SPMIP2: variants seen among roughly 807,000 people sequenced by gnomAD.
SPMIP2 encodes sperm microtubule inner protein 2, also known as protein SPMIP2.
chr4:159,072,290 G>A, the SPMIP2 span, among the ~76,000 whole-genome samples: 2 of 152,166 alleles, frequency 1.3e-5, no homozygotes, highest in Non-Finnish European at 2.9e-5. Flanking sequence ...TCCAGCCTGA[G>A]TGATAAAGTG....
chr4:158,972,759 A>G, the SPMIP2 span, among the ~76,000 whole-genome samples: 2 of 152,260 alleles, frequency 1.3e-5, no homozygotes, highest in Admixed American at 6.5e-5. Flanking sequence ...TCGTCCACGC[A>G]TGAAGCAGTG....
the SPMIP2 span, among the ~76,000 whole-genome samples, chr4:159,041,220 C>T: frequency 9.2e-5 from 14 of 152,106 alleles, no homozygotes; most frequent in Non-Finnish European, 1.2e-4. Context: ...TATTCCCTGC[C>T]GGGCCAATCA....
chr4:158,952,149 GA>G, the SPMIP2 span, among the ~76,000 whole-genome samples: 1 of 152,156 alleles, frequency 6.6e-6, no homozygotes, highest in Non-Finnish European at 1.5e-5. Flanking sequence ...ACTGTGAAAG[GA>G]AGTAAAATTT....
the SPMIP2 span, among the ~76,000 whole-genome samples, chr4:158,961,064 C>T: frequency 8.1e-4 from 123 of 152,176 alleles, 1 homozygote; most frequent in Non-Finnish European, 1.5e-3. Context: ...AACCATTTCT[C>T]AAATTTCTAT....
chr4:159,005,431 C>T, the SPMIP2 span, among the ~76,000 whole-genome samples: 3 of 151,850 alleles, frequency 2.0e-5, no homozygotes, highest in East Asian at 1.9e-4. Flanking sequence ...GCAGCAAGAG[C>T]GAAACTCCAT....
chr4:159,059,491 G>A, the SPMIP2 span, among the ~76,000 whole-genome samples: 1 of 152,210 alleles, frequency 6.6e-6, no homozygotes, highest in South Asian at 2.1e-4. Context: ...TATGGCCTCA[G>A]CCTCCCAAGT....
the SPMIP2 span, among the ~76,000 whole-genome samples, chr4:158,940,604 T>G: frequency 6.7e-6 from 1 of 148,944 alleles, no homozygotes; most frequent in Non-Finnish European, 1.5e-5. Context: ...CTTTTTGAAG[T>G]CATTTTATTT....
At chr4:158,913,860 AAGAC>A in the SPMIP2 span, among the ~76,000 whole-genome samples, 1 of 151,870 alleles carries the variant, frequency 6.6e-6, no homozygotes, top group African/African-American at 2.4e-5. Context: ...AAAAAAAAAA[AAGAC>A]AAGAGAAGTT....
chr4:159,006,103 A>G, the SPMIP2 span, among the ~76,000 whole-genome samples: 13 of 152,220 alleles, frequency 8.5e-5, no homozygotes, highest in Non-Finnish European at 2.9e-5. Flanking sequence ...AAAATGTTCA[A>G]TTATGTATGT....
the SPMIP2 span, among the ~76,000 whole-genome samples, chr4:159,042,932 G>T: frequency 6.6e-6 from 1 of 152,092 alleles, no homozygotes; most frequent in Non-Finnish European, 1.5e-5. Context: ...CCAAGTGCTG[G>T]GATTACAGGC....
At chr4:159,045,932 G>A in the SPMIP2 span, among the ~76,000 whole-genome samples, 2 of 152,174 alleles carry the variant, frequency 1.3e-5, no homozygotes, top group Admixed American at 6.5e-5. Context: ...TGCACTGTGT[G>A]CCTCTCCATA....
At chr4:159,058,467 T>G in the SPMIP2 span, among the ~76,000 whole-genome samples, 1 of 152,196 alleles carries the variant, frequency 6.6e-6, no homozygotes, top group Non-Finnish European at 1.5e-5. Context: ...AAGGAAGATA[T>G]GGGACTTCTT....
At chr4:159,007,424 C>T in the SPMIP2 span, 2 of 669,162 alleles carry the variant, frequency 3.0e-6, no homozygotes, top group Non-Finnish European at 5.6e-6. Flanking sequence ...GGTCCTGTTC[C>T]TGCTTGCCCT....
At chr4:158,963,955 A>G in the SPMIP2 span, among the ~76,000 whole-genome samples, 13 of 152,022 alleles carry the variant, frequency 8.6e-5, no homozygotes, top group Non-Finnish European at 1.2e-4. Context: ...GGAGATCAAG[A>G]CCATCCTGGC....
chr4:158,958,141 T>G, the SPMIP2 span, among the ~76,000 whole-genome samples: 2 of 152,008 alleles, frequency 1.3e-5, no homozygotes, highest in African/African-American at 4.8e-5. Context: ...TGGGACCACA[T>G]GTGTGTACCA....
the SPMIP2 span, chr4:158,905,365 G>T: frequency 2.0e-5 from 3 of 152,106 alleles, no homozygotes; most frequent in East Asian, 5.8e-4. Flanking sequence ...TTTAAGAGAG[G>T]CCACTTACCA....
chr4:158,960,842 A>G, the SPMIP2 span, among the ~76,000 whole-genome samples: 1 of 152,132 alleles, frequency 6.6e-6, no homozygotes, highest in African/African-American at 2.4e-5. Context: ...GAGTATTGAT[A>G]ACATATTTGG....
At chr4:159,041,184 A>G in the SPMIP2 span, among the ~76,000 whole-genome samples, 1 of 152,248 alleles carries the variant, frequency 6.6e-6, no homozygotes, top group African/African-American at 2.4e-5. Context: ...AATTTGGGTA[A>G]GATGACGCTG....
At chr4:158,933,477 C>G in the SPMIP2 span, among the ~76,000 whole-genome samples, 1 of 152,162 alleles carries the variant, frequency 6.6e-6, no homozygotes, top group Non-Finnish European at 1.5e-5. Context: ...TCCACTTCTT[C>G]ATTTGCCCCT....
Sources: allele counts gnomAD v4.1 joint callset (sites outside exome capture counted in the v4.1 genomes callset), GRCh38; gene constraint gnomAD v4.1.1; transcripts MANE v1.5; gene names NCBI Gene and HGNC (gene_info 2026-07-23, HGNC 2026-07-21).